The following SORCS2 variants were observed in gnomAD, a reference collection of about 807,000 sequenced individuals.
The protein encoded by SORCS2 is VPS10 domain-containing receptor SorCS2.
In SORCS2, 100 loss-of-function variants were observed where a neutral mutation model predicts 141.6. That is an observed-to-expected ratio of 0.71 (90% CI 0.60 to 0.83). The LOEUF is 0.83. SORCS2 is among the 40% of genes least tolerant of loss of function. The probability of loss-of-function intolerance (pLI) is 0.00; values close to 1 mark genes in which losing one functional copy is unlikely to be tolerated. For synonymous variants in SORCS2, 789 were observed against 676.9 expected, an observed-to-expected ratio of 1.17 and a Z score of -2.57; for missense variants, 1,646 against 1,560.2, an observed-to-expected ratio of 1.05 and a Z score of -0.93.
intron 3 of SORCS2, among the ~76,000 whole-genome samples, chr4:7,578,636 G>C (rs1715931412): frequency 6.6e-6 from 1 of 152,196 alleles, no homozygotes; most frequent in Non-Finnish European, 1.5e-5. Context: ...AGCCGAGAAT[G>C]AGTGTTGAGT....
At chr4:7,458,992 G>A (rs1033469451) in intron 2 of SORCS2, among the ~76,000 whole-genome samples, 11 of 152,158 alleles carry the variant, frequency 7.2e-5, no homozygotes, top group Non-Finnish European at 1.2e-4. Context: ...GGGCCGGCAG[G>A]GGGTGCATGG....
At chr4:7,719,785 C>A (rs1311814605) in intron 18 of SORCS2, among the ~76,000 whole-genome samples, 1 of 152,194 alleles carries the variant, frequency 6.6e-6, no homozygotes, top group South Asian at 2.1e-4. Flanking sequence ...GCAGTGCAGT[C>A]GCATCTGCGG....
At chr4:7,523,506 A>T (rs946107186) in intron 2 of SORCS2, among the ~76,000 whole-genome samples, 1 of 152,014 alleles carries the variant, frequency 6.6e-6, no homozygotes, top group Non-Finnish European at 1.5e-5. Context: ...AGGGGGTAGT[A>T]CTGGGTTTGG....
At chr4:7,543,059 G>A (rs1712806021) in intron 3 of SORCS2, among the ~76,000 whole-genome samples, 1 of 152,234 alleles carries the variant, frequency 6.6e-6, no homozygotes, top group Non-Finnish European at 1.5e-5. Flanking sequence ...CGTGTCAGTG[G>A]CCAGCACATG....
intron 1 of SORCS2, among the ~76,000 whole-genome samples, chr4:7,372,233 C>T (rs977588069): frequency 7.9e-5 from 12 of 152,124 alleles, no homozygotes; most frequent in African/African-American, 2.9e-4. Flanking sequence ...TGGTTGAATG[C>T]AGTAATAATG....
At chr4:7,514,850 C>A (rs1732878022) in intron 2 of SORCS2, among the ~76,000 whole-genome samples, 1 of 152,122 alleles carries the variant, frequency 6.6e-6, no homozygotes, top group Non-Finnish European at 1.5e-5. Context: ...AGCTCAGGGC[C>A]CCCACCATCA....
chr4:7,585,198 G>T (rs1716456323), intron 3 of SORCS2, among the ~76,000 whole-genome samples: 1 of 152,194 alleles, frequency 6.6e-6, no homozygotes, highest in South Asian at 2.1e-4. Context: ...AGGATGGTCG[G>T]GGAAGCCTCT....
intron 1 of SORCS2, among the ~76,000 whole-genome samples, chr4:7,382,755 G>T (rs1723065286): frequency 6.6e-6 from 1 of 152,010 alleles, no homozygotes. Flanking sequence ...GGGGGGCAGG[G>T]CTGGGGCTGT....
At chr4:7,551,293 CTT>C (rs2109633448) in intron 3 of SORCS2, among the ~76,000 whole-genome samples, 1 of 149,362 alleles carries the variant, frequency 6.7e-6, no homozygotes, top group Admixed American at 6.6e-5. Flanking sequence ...GGGTCTTCTT[CTT>C]CCAGTTTGGT....
intron 1 of SORCS2, among the ~76,000 whole-genome samples, chr4:7,241,772 GT>G (rs1331887855): frequency 6.6e-6 from 1 of 152,192 alleles, no homozygotes; most frequent in Non-Finnish European, 1.5e-5. Flanking sequence ...CCTCACATCC[GT>G]TTGCTGAAAG....
intron 2 of SORCS2, among the ~76,000 whole-genome samples, chr4:7,446,429 A>C (rs1014824161): frequency 6.6e-6 from 1 of 152,178 alleles, no homozygotes; most frequent in Non-Finnish European, 1.5e-5. Context: ...AGGGGACACA[A>C]TTCTACCCAT....
chr4:7,513,269 C>G (rs377592544), intron 2 of SORCS2, among the ~76,000 whole-genome samples: 7 of 152,202 alleles, frequency 4.6e-5, no homozygotes, highest in African/African-American at 1.7e-4. Flanking sequence ...GGGTTATTGC[C>G]GTGGATGAGT....
At chr4:7,700,886 C>A (rs1048405940) in intron 12 of SORCS2, among the ~76,000 whole-genome samples, 1 of 152,316 alleles carries the variant, frequency 6.6e-6, no homozygotes, top group East Asian at 1.9e-4. Context: ...GTGGAAGGGG[C>A]AGGGGTTGGT....
At chr4:7,625,089 G>A (rs920605648) in intron 3 of SORCS2, among the ~76,000 whole-genome samples, 1 of 152,242 alleles carries the variant, frequency 6.6e-6, no homozygotes, top group Admixed American at 6.5e-5. Context: ...AAGAGAAAAG[G>A]TTTGCCTTGC....
chr4:7,431,260 T>C (rs926663763), intron 2 of SORCS2: 6 of 151,718 alleles, frequency 4.0e-5, no homozygotes, highest in African/African-American at 9.7e-5. Flanking sequence ...GCCCAAGGGG[T>C]GGGTAGGGAA....
chr4:7,645,509 G>T lies in SORCS2; in HGVS notation c.813+7017G>T, dbSNP rs372718628. On this transcript the variant is annotated intron_variant, in intron 4 of 26. Transcript: ENST00000507866. ...TGTGTGTGAGTGTGTGTGGGTGTGT[G>T]AGTGTGAAGTGAGGTGGCATTCAAC... Among the ~76,000 whole-genome samples, 32 of 151,990 alleles carry T rather than the reference G, an allele frequency of 2.1e-4. No individual in the cohort carries two copies. In the East Asian group the frequency reaches 5.4e-3, roughly 26 times the overall value.
rs190358829 is a variant in SORCS2, at chr4:7,717,911, A to C, written c.2253-101A>C. The C allele has an allele frequency of 9.4e-4, 1,224 of 1,301,146 alleles. 8 individuals are homozygous for C. In the African/African-American group the frequency reaches 0.012, roughly 13 times the overall value. The allele number at this position is 1,301,146 out of a possible 1,614,324, so 80.6% of individuals were successfully genotyped here. ...GTAGAGTCCTAGGGGTGGGAAGCCA[A>C]GTGCCACCTCTGGGTGGCAAGCACG... is the stretch of plus-strand genomic sequence containing the variant. On this transcript the variant is annotated intron_variant, in intron 17 of 26. Transcript: ENST00000507866.
intron 14 of SORCS2, among the ~76,000 whole-genome samples, chr4:7,712,414 T>C (rs958287062): frequency 6.6e-6 from 1 of 152,210 alleles, no homozygotes; most frequent in African/African-American, 2.4e-5. Context: ...CCAACTCTGC[T>C]GTGGATCTGG....
chr4:7,573,175 C>A (rs1218566052), intron 3 of SORCS2, among the ~76,000 whole-genome samples: 1 of 152,180 alleles, frequency 6.6e-6, no homozygotes, highest in Non-Finnish European at 1.5e-5. Context: ...CCTTTGAGTT[C>A]AACAGCTCTT....
Sources: allele counts gnomAD v4.1 joint callset (sites outside exome capture counted in the v4.1 genomes callset), GRCh38; gene constraint gnomAD v4.1.1; transcripts MANE v1.5; gene names NCBI Gene and HGNC (gene_info 2026-07-23, HGNC 2026-07-21).